Variants in MYO1D observed in about 807,000 individuals in gnomAD.
MYO1D encodes myosin ID, also known as unconventional myosin-Id.
Under a neutral mutation model 122.0 loss-of-function variants are expected in MYO1D, and 83 were observed. The observed-to-expected ratio is 0.68, with a 90% confidence interval of 0.57 to 0.82. The LOEUF is 0.82. Among genes scored for constraint, MYO1D ranks in the 40% least tolerant of loss-of-function variants. The pLI, the probability that MYO1D is intolerant of heterozygous loss-of-function variation, is 0.00. For missense variants in MYO1D, 1,157 were observed against 1,269.5 expected, an observed-to-expected ratio of 0.91 and a Z score of 1.35; for synonymous variants, 464 against 446.9, an observed-to-expected ratio of 1.04 and a Z score of -0.48.
In MYO1D at chr17:32,764,671, G is replaced by A. The variant is rs564523293; in HGVS notation, c.1035+207C>T. Among the ~76,000 whole-genome samples, 91 of 152,332 alleles carry A rather than the reference G, an allele frequency of 6.0e-4. 1 individual carries two copies. Among genetic ancestry groups the A allele is most frequent in the African/African-American group, 2.1e-3 (87 of 41,576 alleles). ...CCCTCATGAGCGCCACCCCCAGTCA[G>A]CTTCCACTCTTCTCAGAACCTTTTT... On this transcript the variant is annotated intron_variant, in intron 8 of 21. Coordinates refer to ENST00000318217, the MANE Select transcript of MYO1D (RefSeq NM_015194.3).
intron 16 of MYO1D, among the ~76,000 whole-genome samples, chr17:32,687,841 C>T (rs552699898): frequency 1.3e-4 from 20 of 152,208 alleles, no homozygotes; most frequent in Admixed American, 1.1e-3. Flanking sequence ...ACATTATTGA[C>T]GAAATGTTAC....
At chr17:32,571,833 T>A (rs1407357158) in intron 21 of MYO1D, among the ~76,000 whole-genome samples, 1 of 152,224 alleles carries the variant, frequency 6.6e-6, no homozygotes, top group Non-Finnish European at 1.5e-5. Flanking sequence ...TGCAGAGGAC[T>A]GAAGAAAATG....
intron 19 of MYO1D, among the ~76,000 whole-genome samples, chr17:32,647,832 C>T (rs1348883424): frequency 1.3e-5 from 2 of 152,022 alleles, no homozygotes; most frequent in Non-Finnish European, 2.9e-5. Flanking sequence ...TGGTAACCCA[C>T]CCCAAGATAC....
intron 21 of MYO1D, among the ~76,000 whole-genome samples, chr17:32,564,116 C>T (rs916705423): frequency 1.3e-5 from 2 of 152,222 alleles, no homozygotes; most frequent in African/African-American, 2.4e-5. Flanking sequence ...GCAATAGTGG[C>T]TTCCAAAGAC....
chr17:32,537,927 T>C (rs1176900960), intron 21 of MYO1D, among the ~76,000 whole-genome samples: 2 of 152,204 alleles, frequency 1.3e-5, no homozygotes, highest in Non-Finnish European at 2.9e-5. Context: ...TCTGGGCCAC[T>C]TATATCTTCA....
chr17:32,732,484 C>G (rs939970799), intron 14 of MYO1D, among the ~76,000 whole-genome samples: 4 of 151,988 alleles, frequency 2.6e-5, no homozygotes, highest in Non-Finnish European at 5.9e-5. Context: ...CTGCTGAGAG[C>G]TGAGCAGATG....
intron 6 of MYO1D, among the ~76,000 whole-genome samples, chr17:32,770,296 A>G (rs1489966710): frequency 1.3e-5 from 2 of 152,058 alleles, no homozygotes; most frequent in East Asian, 3.9e-4. Flanking sequence ...TTTCCTTTAC[A>G]GTTTCTTTTA....
chr17:32,658,017 C>CTA (rs1260075273), intron 17 of MYO1D, among the ~76,000 whole-genome samples: 1 of 152,108 alleles, frequency 6.6e-6, no homozygotes. Flanking sequence ...TCATATGTGA[C>CTA]TACGTAAAAA....
chr17:32,763,484 C>T (rs2090023457), intron 8 of MYO1D, among the ~76,000 whole-genome samples: 1 of 152,024 alleles, frequency 6.6e-6, no homozygotes, highest in African/African-American at 2.4e-5. Context: ...GAAAAATGCA[C>T]AAAAGATATA....
chr17:32,844,605 C>G (rs1052132926), intron 1 of MYO1D, among the ~76,000 whole-genome samples: 1 of 151,640 alleles, frequency 6.6e-6, no homozygotes, highest in Admixed American at 6.6e-5. Context: ...TGCCTGTTGT[C>G]CCAGTTACTA....
At chr17:32,772,274 A>G (rs1028622971) in intron 5 of MYO1D, among the ~76,000 whole-genome samples, 5 of 152,214 alleles carry the variant, frequency 3.3e-5, no homozygotes, top group Non-Finnish European at 7.3e-5. Context: ...ATAAATACTC[A>G]AATTTTTTTC....
chr17:32,822,610 C>T (rs2090680838), intron 1 of MYO1D, among the ~76,000 whole-genome samples: 1 of 148,804 alleles, frequency 6.7e-6, no homozygotes, highest in South Asian at 2.1e-4. Context: ...CGAGCCGGGC[C>T]CGTGGCCCGC....
intron 10 of MYO1D, chr17:32,759,907 A>G: frequency 1.9e-6 from 1 of 523,938 alleles, no homozygotes; most frequent in Non-Finnish European, 3.4e-6. Flanking sequence ...ACAAAGTAGA[A>G]GAGGAGAAAA....
At chr17:32,650,078 T>C (rs571507609) in intron 19 of MYO1D, among the ~76,000 whole-genome samples, 17 of 152,366 alleles carry the variant, frequency 1.1e-4, no homozygotes, top group Non-Finnish European at 1.9e-4. Flanking sequence ...CATTTTCATA[T>C]GGTATAATTT....
At chr17:32,855,910 T>C (rs2091024034) in intron 1 of MYO1D, among the ~76,000 whole-genome samples, 1 of 152,224 alleles carries the variant, frequency 6.6e-6, no homozygotes, top group African/African-American at 2.4e-5. Flanking sequence ...TAGGACTAGC[T>C]TTCATTGGCT....
At chr17:32,686,856 G>A (rs1313820814) in intron 16 of MYO1D, among the ~76,000 whole-genome samples, 6 of 151,838 alleles carry the variant, frequency 4.0e-5, no homozygotes, top group African/African-American at 1.5e-4. Context: ...ATAAGAGTGA[G>A]ACCCTGTTTC....
At position 32,638,851 on chromosome 17, in the gene MYO1D, C is replaced by T. The variant is rs1403688067; in HGVS notation, c.2596-16G>A. ...ATCGATTTACCTGTAAGAGAACAAA[C>T]CAATAAACCATAGTATCTCATCAAT... is the stretch of plus-strand genomic sequence containing the variant. On this transcript the variant is annotated splice_polypyrimidine_tract_variant and intron_variant, in intron 19 of 21. Transcript: ENST00000318217. 1.4e-5 allele frequency: 21 copies of T among 1,519,150 alleles called. No individual in the cohort carries two copies. The highest frequency in any genetic ancestry group is 3.4e-4 in the Middle Eastern group (2 of 5,884). The allele number at this position is 1,519,150 out of a possible 1,614,324, so 94.1% of individuals were successfully genotyped here. A position where few individuals can be genotyped will look rare whatever the true frequency, so the allele number is the denominator to read the frequency against.
intron 20 of MYO1D, among the ~76,000 whole-genome samples, chr17:32,634,286 T>G (rs2088066352): frequency 6.6e-6 from 1 of 152,180 alleles, no homozygotes; most frequent in Non-Finnish European, 1.5e-5. Flanking sequence ...AGCACCAGGA[T>G]GCTGCAAAAA....
At chr17:32,578,264 T>C (rs1189808201) in intron 21 of MYO1D, among the ~76,000 whole-genome samples, 2 of 152,252 alleles carry the variant, frequency 1.3e-5, no homozygotes, top group South Asian at 2.1e-4. Flanking sequence ...CATCAAATCA[T>C]AGAGGGTCAC....
Sources: allele counts gnomAD v4.1 joint callset (sites outside exome capture counted in the v4.1 genomes callset), GRCh38; gene constraint gnomAD v4.1.1; transcripts MANE v1.5; gene names NCBI Gene and HGNC (gene_info 2026-07-23, HGNC 2026-07-21).